The following CCDC88A variants were observed in gnomAD, a reference collection of about 807,000 sequenced individuals.
CCDC88A encodes the protein coiled-coil and HOOK domain protein 88A, also known as girdin.
A neutral mutation model predicts 234.3 loss-of-function variants in CCDC88A; 54 were observed. That is an observed-to-expected ratio of 0.23 (90% CI 0.19 to 0.29). The LOEUF is 0.29. CCDC88A is among the 10% of genes least tolerant of loss of function. CCDC88A has a pLI of 1.00. For synonymous variants in CCDC88A, 753 were observed against 737.8 expected (o/e 1.02, Z -0.33); for missense variants, 1,832 against 2,123.4 (o/e 0.86, Z 2.70).
intron 3 of CCDC88A, among the ~76,000 whole-genome samples, chr2:55,384,687 C>T (rs1675304315): frequency 6.8e-6 from 1 of 146,766 alleles, no homozygotes; most frequent in Non-Finnish European, 1.5e-5. Context: ...GACAGAGTCT[C>T]GCTCTGTCGC....
intron 2 of CCDC88A, chr2:55,399,903 T>C (rs1215878662): frequency 6.6e-6 from 1 of 152,198 alleles, no homozygotes; most frequent in Non-Finnish European, 1.5e-5. Context: ...GAAAAAACAC[T>C]CATTCCTGTG....
chr2:55,385,715 T>G (rs1195475808), intron 3 of CCDC88A, among the ~76,000 whole-genome samples: 1 of 151,120 alleles, frequency 6.6e-6, no homozygotes, highest in Non-Finnish European at 1.5e-5. Flanking sequence ...TAGCCGGGCC[T>G]GGTGGCACGT....
chr2:55,318,900 C>G lies in CCDC88A; in HGVS notation c.3267G>C (p.Gln1089His). The G allele has an allele frequency of 6.2e-7, 1 of 1,613,008 alleles. No individual in the cohort carries two copies. Among genetic ancestry groups the G allele is most frequent in the Non-Finnish European group, 8.5e-7 (1 of 1,179,270 alleles). ...LQAQILALQRQTVSLQEQNTT... is the reference protein window; with the variant it reads ...LQAQILALQRHTVSLQEQNTT... ...TATTCTGTTCTTGTAATGACACTGTCTGCCTCTGAAGTGCAAGAATCTGAG... is the reference window on the plus strand; with the variant it reads ...TATTCTGTTCTTGTAATGACACTGTGTGCCTCTGAAGTGCAAGAATCTGAG... The change falls in exon 19 of 33, where the codon CAG becomes CAC. Residue 1089 changes from glutamine (Q) to histidine (H), a missense_variant. Physicochemically the swap from Gln to His is conservative, Grantham distance 24. Around this residue, in one of 6 missense-constraint regions of CCDC88A, gnomAD observed 1,282 missense variants for 1,543.6 expected, o/e 0.83. Transcript: ENST00000436346.
At position 55,414,708 on chromosome 2, in the gene CCDC88A, CAG is replaced by C. The variant is rs556051799; in HGVS notation, c.164+4106_164+4107del. ...GAGTCTGGGTGCAAAACAGCAACAA[CAG>C]AGTCATTAAATTAATCAATTTTCTT... On this transcript the variant is annotated intron_variant, in intron 2 of 32. Coordinates refer to ENST00000436346, the MANE Select transcript of CCDC88A (RefSeq NM_001365480.1). Among the ~76,000 whole-genome samples the C allele has an allele frequency of 9.9e-3, 486 of 49,338 alleles. 2 individuals carry two copies. The highest frequency in any genetic ancestry group is 0.02 in the Admixed American group (58 of 2,864). The allele number at this position is 49,338 out of a possible 152,430, so 32.4% of individuals were successfully genotyped here.
chr2:55,367,817 T>C (rs1672246899), intron 5 of CCDC88A, among the ~76,000 whole-genome samples: 1 of 152,132 alleles, frequency 6.6e-6, no homozygotes, highest in African/African-American at 2.4e-5. Context: ...GGTAGATTCC[T>C]TCTAAGGGTA....
intron 2 of CCDC88A, among the ~76,000 whole-genome samples, chr2:55,402,992 G>A (rs1463940109): frequency 6.6e-6 from 1 of 151,548 alleles, no homozygotes; most frequent in Non-Finnish European, 1.5e-5. Context: ...CTGGGCAACT[G>A]AGCAAGACTC....
Position 55,336,665 on chromosome 2 carries a change from T to TA in CCDC88A, c.1656+15dup, listed in dbSNP as rs1685496126. On this transcript the variant is annotated intron_variant, in intron 14 of 32. Transcript: ENST00000436346. ...ATTTTAAAATACATTGTTTACTTAG[T>TA]AAAAAATGTATGAACCTGTCTCTCT... The TA allele has an allele frequency of 1.3e-6, 2 of 1,499,000 alleles. No individual in the cohort carries two copies. The highest frequency in any genetic ancestry group is 1.8e-6 in the Non-Finnish European group (2 of 1,118,294). 92.9% of individuals were successfully genotyped at this position (1,499,000 alleles called of 1,614,324 possible). A position where few individuals can be genotyped will look rare whatever the true frequency, so the allele number is the denominator to read the frequency against.
At chr2:55,320,267 C>T (rs1336677888) in intron 18 of CCDC88A, among the ~76,000 whole-genome samples, 3 of 151,974 alleles carry the variant, frequency 2.0e-5, no homozygotes, top group Non-Finnish European at 2.9e-5. Context: ...ACTTTAGAAA[C>T]TAAATTGTAC....
At chr2:55,302,796 T>G (rs1681053019) in intron 26 of CCDC88A, 1 of 240,258 alleles carries the variant, frequency 4.2e-6, no homozygotes, top group Non-Finnish European at 8.1e-6. Flanking sequence ...AAATAAAGGG[T>G]TTTTTTCCTG....
intron 7 of CCDC88A, chr2:55,361,823 T>C (rs1401410830): frequency 6.6e-6 from 1 of 152,392 alleles, no homozygotes; most frequent in African/African-American, 2.4e-5. Flanking sequence ...AAAATAATTC[T>C]CTTTTTAAAA....
chr2:55,322,504 C>A (rs2104644162), intron 18 of CCDC88A, 24 bp downstream of exon 18: 1 of 1,393,760 alleles, frequency 7.2e-7, no homozygotes, highest in East Asian at 2.4e-5. Context: ...AAAACTATTT[C>A]TACTAAAATT....
intron 8 of CCDC88A, chr2:55,349,828 G>C (rs1236791521): frequency 2.4e-6 from 1 of 408,622 alleles, no homozygotes; most frequent in East Asian, 4.3e-5. Flanking sequence ...TGTTCTCATA[G>C]TATGTAATAC....
chr2:55,407,234 C>T (rs1388731403), intron 2 of CCDC88A, among the ~76,000 whole-genome samples: 1 of 151,318 alleles, frequency 6.6e-6, no homozygotes, highest in Non-Finnish European at 1.5e-5. Flanking sequence ...AAAGAATATA[C>T]TGTCTAAAAA....
intron 10 of CCDC88A, 136 bp from the exon 11 acceptor site, chr2:55,344,650 C>T: frequency 2.2e-6 from 1 of 449,256 alleles, no homozygotes; most frequent in Non-Finnish European, 3.8e-6. Context: ...AATAGAAATA[C>T]AATTAATGTT....
chr2:55,366,043 A>G (rs1418902309), intron 5 of CCDC88A, among the ~76,000 whole-genome samples: 1 of 152,250 alleles, frequency 6.6e-6, no homozygotes, highest in East Asian at 1.9e-4. Flanking sequence ...TGTTAAAAAC[A>G]GATATATAGC....
chr2:55,349,257 C>G (rs1410262609), intron 9 of CCDC88A: 1 of 387,050 alleles, frequency 2.6e-6, no homozygotes. Context: ...CCAAACACAT[C>G]AAAAAGAAAA....
chr2:55,391,187 C>T (rs188573997), intron 2 of CCDC88A, among the ~76,000 whole-genome samples: 50 of 152,106 alleles, frequency 3.3e-4, no homozygotes, highest in Middle Eastern at 3.4e-3. Context: ...CAGCAGAGAC[C>T]GCAGAAGAGT....
chr2:55,304,534 T>C (rs1317390048), intron 25 of CCDC88A, among the ~76,000 whole-genome samples: 1 of 151,890 alleles, frequency 6.6e-6, no homozygotes, highest in African/African-American at 2.4e-5. Context: ...AGTATTTTGA[T>C]AGTAGTAATA....
chr2:55,362,194 A>G, intron 7 of CCDC88A, 114 bp downstream of exon 7: 1 of 750,312 alleles, frequency 1.3e-6, no homozygotes, highest in Non-Finnish European at 2.0e-6. Context: ...AAAAAAAGAC[A>G]CTCCTGTATC....
Sources: gnomAD v4.1 joint callset for allele counts (sites outside exome capture counted in the v4.1 genomes callset) on GRCh38, gnomAD v4.1.1 for gene constraint, gnomAD v4.1.1 regional missense constraint, MANE v1.5 for transcripts, NCBI Gene and HGNC (gene_info 2026-07-23, HGNC 2026-07-21) for gene names.